Variants in SIAH1 observed in about 807,000 individuals in gnomAD.
SIAH1 encodes the protein E3 ubiquitin-protein ligase SIAH1.
SIAH1 carries 2 observed loss-of-function variants against 20.0 expected under a neutral mutation model. That is an observed-to-expected ratio of 0.10 (90% CI 0.04 to 0.31). The LOEUF (loss-of-function observed/expected upper bound fraction) is 0.31, where lower values mean the gene tolerates loss of function less well. SIAH1 is among the 10% of genes least tolerant of loss of function. SIAH1 has a pLI of 1.00. For synonymous variants in SIAH1, 118 were observed against 125.3 expected (o/e 0.94, Z 0.39); for missense variants, 119 against 355.3 (o/e 0.33, Z 5.35).
At chr16:48,382,156 TAC>T (rs1349563005) in intron 1 of SIAH1, among the ~76,000 whole-genome samples, 2 of 152,110 alleles carry the variant, frequency 1.3e-5, no homozygotes, top group Non-Finnish European at 2.9e-5. Context: ...GTGGGCGGAT[TAC>T]TTGAGCCCAG....
In SIAH1 at chr16:48,361,252, AAAAC is replaced by A. The variant is rs1447544692; in HGVS notation, c.*324_*327del. 1.8e-5 allele frequency: 5 copies of A among 276,522 alleles called. No individual in the cohort carries two copies. Among genetic ancestry groups the A allele is most frequent in the South Asian group, 3.8e-5 (1 of 26,206 alleles). 17.1% of individuals were successfully genotyped at this position (276,522 alleles called of 1,614,324 possible). A position where few individuals can be genotyped will look rare whatever the true frequency, so the allele number is the denominator to read the frequency against. On this transcript the variant is annotated 3_prime_UTR_variant, in exon 2 of 2. Transcript: ENST00000394725. ...CCACGCAGGCACACACTCCCACGCA[AAAAC>A]AAACTTTTTCAACAATACAATCAAT...
At chr16:48,368,778 A>AC (rs1168349935) in intron 1 of SIAH1, among the ~76,000 whole-genome samples, 1 of 152,186 alleles carries the variant, frequency 6.6e-6, no homozygotes, top group African/African-American at 2.4e-5. Flanking sequence ...AATTATCACT[A>AC]CCCCATCTCT....
At chr16:48,365,217 C>G (rs1191036023) in intron 1 of SIAH1, 3 of 679,686 alleles carry the variant, frequency 4.4e-6, no homozygotes, top group Non-Finnish European at 7.3e-6. Context: ...ATGACGTAAC[C>G]TGAAGTTTGA....
intron 1 of SIAH1, chr16:48,365,378 T>A: frequency 6.2e-7 from 1 of 1,613,826 alleles, no homozygotes. Context: ...ATCCTCTTAA[T>A]GTCAATACCT....
chr16:48,367,372 C>G (rs1960868680), intron 1 of SIAH1, among the ~76,000 whole-genome samples: 1 of 152,168 alleles, frequency 6.6e-6, no homozygotes, highest in African/African-American at 2.4e-5. Context: ...CAGAGCCTTA[C>G]AGCACACTCT....
chr16:48,371,230 G>GT (rs1343193271), intron 1 of SIAH1, among the ~76,000 whole-genome samples: 1 of 151,996 alleles, frequency 6.6e-6, no homozygotes, highest in Non-Finnish European at 1.5e-5. Context: ...CACCATGATT[G>GT]TGTCTGTGAA....
At chr16:48,382,731 T>A (rs1961331391) in intron 1 of SIAH1, among the ~76,000 whole-genome samples, 2 of 152,158 alleles carry the variant, frequency 1.3e-5, no homozygotes, top group South Asian at 4.1e-4. Context: ...ACAAAGCGAA[T>A]ATGGAAATTC....
At chr16:48,365,441 A>C in intron 1 of SIAH1, 1 of 1,613,902 alleles carries the variant, frequency 6.2e-7, no homozygotes, top group Non-Finnish European at 8.5e-7. Flanking sequence ...ACTCCCCTCC[A>C]GGAGTACAGA....
At chr16:48,375,731 T>C (rs1189923490) in intron 1 of SIAH1, among the ~76,000 whole-genome samples, 1 of 151,722 alleles carries the variant, frequency 6.6e-6, no homozygotes, top group Non-Finnish European at 1.5e-5. Flanking sequence ...AAGAAAAAAA[T>C]AGGTAAGTAT....
chr16:48,374,889 G>A (rs1229180179), intron 1 of SIAH1, among the ~76,000 whole-genome samples: 2 of 152,220 alleles, frequency 1.3e-5, no homozygotes, highest in African/African-American at 4.8e-5. Context: ...ATGTAGGAAT[G>A]AGAAGGGTAT....
chr16:48,386,952 T>C (rs1401176402), upstream of SIAH1: 1 of 152,278 alleles, frequency 6.6e-6, no homozygotes, highest in East Asian at 1.9e-4. Flanking sequence ...CAAAGTCAGA[T>C]TTTGTCCTCC....
intron 1 of SIAH1, among the ~76,000 whole-genome samples, chr16:48,370,514 C>T (rs542309871): frequency 2.3e-4 from 35 of 152,282 alleles, no homozygotes; most frequent in African/African-American, 7.7e-4. Context: ...TTTATCCCCA[C>T]CTTACTTAAG....
chr16:48,383,110 G>A (rs1961341438), intron 1 of SIAH1, among the ~76,000 whole-genome samples: 2 of 152,124 alleles, frequency 1.3e-5, no homozygotes, highest in Admixed American at 6.6e-5. Flanking sequence ...CATTGTTTCT[G>A]AATTTGTACT....
intron 1 of SIAH1, among the ~76,000 whole-genome samples, chr16:48,378,277 C>T (rs1306005763): frequency 2.0e-5 from 3 of 152,144 alleles, no homozygotes; most frequent in Admixed American, 6.5e-5. Context: ...CGCTTGAACC[C>T]GGGAGGTGGA....
chr16:48,369,241 G>T (rs1266153516), intron 1 of SIAH1, among the ~76,000 whole-genome samples: 2 of 152,128 alleles, frequency 1.3e-5, no homozygotes, highest in Non-Finnish European at 2.9e-5. Flanking sequence ...CATTTTTCCT[G>T]AAGATAATTC....
At chr16:48,380,922 C>G (rs1270693847) in intron 1 of SIAH1, among the ~76,000 whole-genome samples, 2 of 1,050 alleles carry the variant, frequency 1.9e-3, no homozygotes, top group Non-Finnish European at 3.3e-3. Context: ...GAGTGAGACT[C>G]CGTCTCAAAA....
At chr16:48,374,042 G>A (rs1019926320) in intron 1 of SIAH1, among the ~76,000 whole-genome samples, 6 of 152,124 alleles carry the variant, frequency 3.9e-5, no homozygotes, top group East Asian at 1.9e-4. Flanking sequence ...AATAGTAAGC[G>A]GCACCCTGCC....
rs1194054778 is a variant in SIAH1, at chr16:48,374,714, AAAC to A, written c.-3+10487_-3+10489del. On this transcript the variant is annotated intron_variant, in intron 1 of 1. Coordinates refer to ENST00000394725, the MANE Select transcript of SIAH1 (RefSeq NM_003031.4). ...TAGCATTAGCAGTAAGCACAGAAGA[AAAC>A]AAAGCCAAAATAGGAAGGAAGAAAA... Among the ~76,000 whole-genome samples, 48 of 152,216 alleles carry A rather than the reference AAAC, an allele frequency of 3.2e-4. 1 individual carries two copies. Among genetic ancestry groups the A allele is most frequent in the Admixed American group, 3.1e-3 (48 of 15,280 alleles).
In SIAH1 at chr16:48,362,394, C is replaced by T. The variant is rs1213022612; in HGVS notation, c.35G>A (p.Gly12Asp). The T allele has an allele frequency of 6.2e-7, 1 of 1,614,090 alleles. No individual in the cohort carries two copies. Among genetic ancestry groups the T allele is most frequent in the East Asian group, 2.2e-5 (1 of 44,880 alleles). ...SRQTATALPT[G>D]TSKCPPSQRV... The stretch of plus-strand genomic sequence containing the variant: ...CTGGGATGGTGGACACTTCGAGGTA[C>T]CGGTAGGTAATGCTGTAGCAGTCTG... The change falls in exon 2 of 2, where the codon GGT (glycine) becomes GAT (aspartate). Residue 12 changes from glycine (G) to aspartate (D), a missense_variant. Around this residue, in one of 2 missense-constraint regions of SIAH1, gnomAD observed 35 missense variants for 47.5 expected, o/e 0.74. Coordinates refer to ENST00000394725, the MANE Select transcript of SIAH1 (RefSeq NM_003031.4). The surrounding 1 kb of genome is among the most constrained non-coding windows in gnomAD (Gnocchi z 4.2).
Sources: allele counts gnomAD v4.1 joint callset (sites outside exome capture counted in the v4.1 genomes callset), GRCh38; gene constraint gnomAD v4.1.1; regional missense constraint gnomAD v4.1.1; non-coding constraint Gnocchi (gnomAD v3.1); transcripts MANE v1.5; gene names NCBI Gene and HGNC (gene_info 2026-07-23, HGNC 2026-07-21).